The following NCOR2 variants were observed in gnomAD, a reference collection of about 807,000 sequenced individuals.
NCOR2 encodes the protein CTG repeat protein 26.
Under a neutral mutation model 262.9 loss-of-function variants are expected in NCOR2, and 81 were observed. The ratio of observed to expected loss-of-function variants is 0.31; its 90% CI spans 0.26 to 0.37. The LOEUF is 0.37. Among genes scored for constraint, NCOR2 ranks in the 10% least tolerant of loss-of-function variants. The pLI, the probability that NCOR2 is intolerant of heterozygous loss-of-function variation, is 1.00. For synonymous variants in NCOR2, 1,659 were observed against 1,559.3 expected (o/e 1.06, Z -1.51); for missense variants, 3,385 against 3,621.4 (o/e 0.93, Z 1.68).
chr12:124,326,752 C>T (rs1171103284), intron 45 of NCOR2, among the ~76,000 whole-genome samples: 3 of 152,150 alleles, frequency 2.0e-5, no homozygotes, highest in Non-Finnish European at 4.4e-5. Flanking sequence ...ATCCAGGCCC[C>T]GTGCAGAGAA....
chr12:124,564,895 G>C (rs1459397721), intron 1 of NCOR2, among the ~76,000 whole-genome samples: 1 of 151,460 alleles, frequency 6.6e-6, no homozygotes, highest in Admixed American at 6.6e-5. Flanking sequence ...GGGTGTCTGC[G>C]CTGCCAGCGC....
chr12:124,354,065 C>T, intron 27 of NCOR2, 28 bp downstream of exon 29: 2 of 1,592,846 alleles, frequency 1.3e-6, no homozygotes, highest in Non-Finnish European at 1.7e-6. Flanking sequence ...TCCCAACCGT[C>T]CTTCCTGCCG....
chr12:124,440,848 C>T lies in NCOR2; in HGVS notation c.816-2852G>A, dbSNP rs1593554230. On this transcript the variant is annotated intron_variant, in intron 7 of 46. Coordinates refer to ENST00000405201, the Ensembl canonical transcript of NCOR2. This position sits in a 1 kb window ranked among gnomAD's most constrained non-coding sequence, Gnocchi z 5.7. The stretch of plus-strand genomic sequence containing the variant: ...GCTGGGATCTACGTCATCAGAAGGA[C>T]CCGGCTCTGGGAAGATCCAGAAGGA... 6.6e-6 allele frequency among the ~76,000 whole-genome samples: 1 copy of T among 152,256 alleles called. No individual in the cohort carries two copies. Among genetic ancestry groups the T allele is most frequent in the East Asian group, 1.9e-4 (1 of 5,186 alleles).
chr12:124,530,199 G>A (rs1490807696), intron 1 of NCOR2: 1 of 151,412 alleles, frequency 6.6e-6, no homozygotes, highest in Non-Finnish European at 1.5e-5. Flanking sequence ...ACAAAGTATA[G>A]TATATAATAA....
chr12:124,327,926 C>T (rs1382681171), intron 44 of NCOR2, among the ~76,000 whole-genome samples: 1 of 152,008 alleles, frequency 6.6e-6, no homozygotes, highest in Non-Finnish European at 1.5e-5. Context: ...GGTCAGATGC[C>T]CCCACCAGCC....
intron 24 of NCOR2, 179 bp from the exon 27 acceptor site, chr12:124,355,118 G>A: frequency 1.6e-6 from 1 of 628,400 alleles, no homozygotes; most frequent in Non-Finnish European, 2.7e-6. Context: ...CCCCTGTGAA[G>A]GGGCCATGCC....
chr12:124,543,231 C>A (rs544288604), intron 1 of NCOR2, among the ~76,000 whole-genome samples: 2 of 152,200 alleles, frequency 1.3e-5, no homozygotes, highest in African/African-American at 4.8e-5. Flanking sequence ...GGAGCAACCC[C>A]GTGCCCTGCC....
At chr12:124,383,065 G>C (rs1345232418) in intron 17 of NCOR2, among the ~76,000 whole-genome samples, 2 of 150,414 alleles carry the variant, frequency 1.3e-5, no homozygotes, top group Non-Finnish European at 3.0e-5. Flanking sequence ...TCAATCAATC[G>C]TGAGTGTGCC....
intron 15 of NCOR2, 99 bp from the exon 18 acceptor site, chr12:124,398,280 G>T: frequency 7.5e-7 from 1 of 1,335,198 alleles, no homozygotes; most frequent in South Asian, 1.2e-5. Context: ...AGTAGACCAG[G>T]CCTTGACGGT....
At chr12:124,466,539 A>C (rs1483410281) in intron 4 of NCOR2, among the ~76,000 whole-genome samples, 1 of 152,166 alleles carries the variant, frequency 6.6e-6, no homozygotes, top group East Asian at 1.9e-4. Context: ...CAGCCAGGGA[A>C]GCACAGCCAA....
At chr12:124,468,269 C>T (rs1168370520) in intron 4 of NCOR2, among the ~76,000 whole-genome samples, 11 of 84,446 alleles carry the variant, frequency 1.3e-4, no homozygotes, top group Non-Finnish European at 2.7e-4. Flanking sequence ...TCACCCCCAT[C>T]ATCCTCATCA....
chr12:124,344,474 G>A, intron 32 of NCOR2, 123 bp downstream of exon 34: 1 of 936,628 alleles, frequency 1.1e-6, no homozygotes, highest in Non-Finnish European at 1.5e-6. Context: ...CAGGTGGTTT[G>A]GATGTGGTGG....
intron 1 of NCOR2, among the ~76,000 whole-genome samples, chr12:124,501,977 C>T (rs12313314): frequency 0.035 from 5,290 of 152,282 alleles, 224 homozygotes; most frequent in African/African-American, 0.1. Flanking sequence ...CAAGACGCTG[C>T]GGAGCGCCAG....
chr12:124,479,697 CAACAA>C (rs778389696), intron 3 of NCOR2, among the ~76,000 whole-genome samples: 1 of 152,242 alleles, frequency 6.6e-6, no homozygotes, highest in Non-Finnish European at 1.5e-5. Flanking sequence ...CCTTCTGTAA[CAACAA>C]AACAAAACAA....
Position 124,483,181 on chromosome 12 carries a change from G to A in NCOR2, c.411+415C>T, listed in dbSNP as rs183556905. Reference sequence around the variant, plus strand: ...GCATGGAACCAAACAACCCACCCTCGAGGAAGCTCTCAGAATGTGCTGAAA... The same window carrying A: ...GCATGGAACCAAACAACCCACCCTCAAGGAAGCTCTCAGAATGTGCTGAAA... On this transcript the variant is annotated intron_variant, in intron 3 of 46. Coordinates refer to ENST00000405201, the Ensembl canonical transcript of NCOR2. The surrounding 1 kb of genome is among the most constrained non-coding windows in gnomAD (Gnocchi z 6.3). 8.5e-4 allele frequency among the ~76,000 whole-genome samples: 130 copies of A among 152,080 alleles called. No homozygotes were observed. The highest frequency in any genetic ancestry group is 3.4e-3 in the Middle Eastern group (1 of 294).
At chr12:124,494,465 G>A (rs953911863) in intron 1 of NCOR2, among the ~76,000 whole-genome samples, 5 of 152,194 alleles carry the variant, frequency 3.3e-5, no homozygotes, top group African/African-American at 1.2e-4. Context: ...GAGAGAAGAG[G>A]CAGGAAATGG....
chr12:124,333,381 G>A (rs1380006312), intron 41 of NCOR2, 102 bp from the exon 44 acceptor site: 4 of 1,124,188 alleles, frequency 3.6e-6, no homozygotes, highest in African/African-American at 3.2e-5. Flanking sequence ...TTTCCTGTAC[G>A]TGGCCAAATC....
chr12:124,367,293 A>T (rs368108497), intron 20 of NCOR2, among the ~76,000 whole-genome samples: 20,396 of 152,140 alleles, frequency 0.13, 1,556 homozygotes, highest in African/African-American at 0.18. Flanking sequence ...CAGAGGCCCA[A>T]ACCCTTCTTG....
rs1250577395 is a variant in NCOR2 at position 124,532,486 on chromosome 12, G to A, written c.-118+3079C>T. 2.6e-5 allele frequency among the ~76,000 whole-genome samples: 4 copies of A among 152,226 alleles called. No individual in the cohort carries two copies. The East Asian group carries it at 5.8e-4, about 22-fold the overall frequency. On this transcript the variant is annotated intron_variant, in intron 1 of 46. Transcript: ENST00000404621. Reference sequence around the variant, plus strand: ...CTGAGGAGCCACTTGGGTCCTGCAAGGGGGCTCCTGGGAGCATCAGGTTCC... The same window carrying A: ...CTGAGGAGCCACTTGGGTCCTGCAAAGGGGCTCCTGGGAGCATCAGGTTCC...
Sources: gnomAD v4.1 joint callset for allele counts (sites outside exome capture counted in the v4.1 genomes callset) on GRCh38, gnomAD v4.1.1 for gene constraint, Gnocchi (gnomAD v3.1) non-coding constraint, MANE v1.5 for transcripts, NCBI Gene and HGNC (gene_info 2026-07-23, HGNC 2026-07-21) for gene names.